The following PXDNL variants were observed in gnomAD, a reference collection of about 807,000 sequenced individuals.
PXDNL encodes the protein probable oxidoreductase PXDNL.
In PXDNL, 145 loss-of-function variants were observed where a neutral mutation model predicts 150.8. The ratio of observed to expected loss-of-function variants is 0.96; its 90% CI spans 0.84 to 1.10. The LOEUF (loss-of-function observed/expected upper bound fraction) is 1.10, where lower values mean the gene tolerates loss of function less well. Among genes scored for constraint, PXDNL ranks in the 50% least tolerant of loss-of-function variants. The pLI is 0.00. For synonymous variants in PXDNL, 757 were observed against 725.7 expected (o/e 1.04, Z -0.69); for missense variants, 2,087 against 1,873.9 (o/e 1.11, Z -2.10).
intron 21 of PXDNL, among the ~76,000 whole-genome samples, chr8:51,338,114 G>A (rs1355843116): frequency 6.7e-6 from 1 of 149,886 alleles, no homozygotes; most frequent in Non-Finnish European, 1.5e-5. Context: ...GGGAGGCAGA[G>A]GTAGGTTGCA....
At chr8:51,335,170 T>C (rs1006874449) in intron 21 of PXDNL, among the ~76,000 whole-genome samples, 3 of 152,226 alleles carry the variant, frequency 2.0e-5, no homozygotes, top group African/African-American at 4.8e-5. Context: ...GTGGCCGACA[T>C]AGTGATCTCC....
chr8:51,393,289 C>A (rs1807969109), intron 17 of PXDNL, among the ~76,000 whole-genome samples: 1 of 152,168 alleles, frequency 6.6e-6, no homozygotes, highest in African/African-American at 2.4e-5. Flanking sequence ...CTGCTAAGTT[C>A]TTGACATACT....
At chr8:51,578,240 T>C (rs1344539345) in intron 3 of PXDNL, among the ~76,000 whole-genome samples, 1 of 151,766 alleles carries the variant, frequency 6.6e-6, no homozygotes, top group Non-Finnish European at 1.5e-5. Flanking sequence ...AAGAATCTAC[T>C]CCCCAAAATA....
intron 17 of PXDNL, among the ~76,000 whole-genome samples, chr8:51,391,814 A>G (rs1807920066): frequency 6.6e-6 from 1 of 152,112 alleles, no homozygotes; most frequent in African/African-American, 2.4e-5. Flanking sequence ...GTCCTTGCCC[A>G]TGCCTATGTC....
chr8:51,511,155 C>T lies in PXDNL; in HGVS notation c.381-11385G>A, dbSNP rs943632816. Among the ~76,000 whole-genome samples, 4 of 152,270 alleles carry T rather than the reference C, an allele frequency of 2.6e-5. No homozygotes were observed. In the South Asian group the frequency reaches 8.3e-4, roughly 32 times the overall value. On this transcript the variant is annotated intron_variant, in intron 4 of 22. Coordinates refer to ENST00000356297, the MANE Select transcript of PXDNL (RefSeq NM_144651.5). Reference sequence around the variant, plus strand: ...AGCACTGGACACATGCAGGCCTGCACTCATCTTCTTATTTGACCCCTCAAT... The same window carrying T: ...AGCACTGGACACATGCAGGCCTGCATTCATCTTCTTATTTGACCCCTCAAT...
rs922641595 is a variant in PXDNL at position 51,420,838 on chromosome 8, G to A, written c.1795+2737C>T. ...CAAGTAGCTGGGACTACAGGTAAGC[G>A]CCACCATGTCTAGTTAATTTTTTGT... On this transcript the variant is annotated intron_variant, in intron 14 of 22. Coordinates refer to ENST00000356297, the MANE Select transcript of PXDNL (RefSeq NM_144651.5). Among the ~76,000 whole-genome samples, 12 of 152,174 alleles carry A rather than the reference G, an allele frequency of 7.9e-5. 1 individual carries two copies. The highest frequency in any genetic ancestry group is 3.4e-3 in the Middle Eastern group (1 of 294).
At chr8:51,330,201 G>A (rs145759492) in intron 21 of PXDNL, among the ~76,000 whole-genome samples, 3 of 152,256 alleles carry the variant, frequency 2.0e-5, no homozygotes, top group Admixed American at 6.5e-5. Context: ...GAAAAATACT[G>A]TTTAACCAGA....
chr8:51,566,507 G>T (rs908481749), intron 3 of PXDNL, among the ~76,000 whole-genome samples: 2 of 151,626 alleles, frequency 1.3e-5, no homozygotes, highest in African/African-American at 4.8e-5. Context: ...TTCTTCTTGT[G>T]TGGTTTGTTA....
intron 2 of PXDNL, among the ~76,000 whole-genome samples, chr8:51,634,877 G>A (rs1005349322): frequency 4.0e-5 from 6 of 151,576 alleles, no homozygotes; most frequent in African/African-American, 1.5e-4. Flanking sequence ...GAGCCTTTTG[G>A]TGGAATCTTT....
At chr8:51,569,864 GT>G (rs1812897153) in intron 3 of PXDNL, among the ~76,000 whole-genome samples, 1 of 151,918 alleles carries the variant, frequency 6.6e-6, no homozygotes, top group Admixed American at 6.6e-5. Context: ...ATCTTCTAAA[GT>G]GCCTTGCTTG....
At chr8:51,347,549 AC>A (rs1453320383) in intron 19 of PXDNL, among the ~76,000 whole-genome samples, 5 of 152,196 alleles carry the variant, frequency 3.3e-5, no homozygotes, top group Admixed American at 3.3e-4. Flanking sequence ...TCAATTAAAA[AC>A]GTCTTTATTT....
chr8:51,706,981 T>C (rs1004921170), intron 1 of PXDNL, among the ~76,000 whole-genome samples: 9 of 152,172 alleles, frequency 5.9e-5, no homozygotes, highest in Non-Finnish European at 1.3e-4. Flanking sequence ...TGAGTTCTGC[T>C]CTCTGTAGCA....
At chr8:51,751,395 T>C (rs1195873584) in intron 1 of PXDNL, among the ~76,000 whole-genome samples, 1 of 152,254 alleles carries the variant, frequency 6.6e-6, no homozygotes, top group East Asian at 1.9e-4. Flanking sequence ...AAAGTATCTT[T>C]TATTTTGTTC....
intron 12 of PXDNL, among the ~76,000 whole-genome samples, chr8:51,446,558 T>C (rs1270135092): frequency 4.6e-5 from 7 of 152,174 alleles, no homozygotes; most frequent in Non-Finnish European, 1.0e-4. Flanking sequence ...ATATATATTA[T>C]GTAGGATAAA....
At chr8:51,670,328 T>C (rs749943986) in intron 1 of PXDNL, among the ~76,000 whole-genome samples, 1 of 152,204 alleles carries the variant, frequency 6.6e-6, no homozygotes, top group Non-Finnish European at 1.5e-5. Flanking sequence ...TGGGGATACG[T>C]TCATAGAAAT....
At chr8:51,745,948 AG>A (rs1353056713) in intron 1 of PXDNL, among the ~76,000 whole-genome samples, 1 of 151,898 alleles carries the variant, frequency 6.6e-6, no homozygotes, top group East Asian at 1.9e-4. Context: ...TAGTAGAGAG[AG>A]GGTTTCACCA....
intron 8 of PXDNL, among the ~76,000 whole-genome samples, chr8:51,466,326 G>C (rs1340634740): frequency 6.6e-6 from 1 of 152,110 alleles, no homozygotes; most frequent in Non-Finnish European, 1.5e-5. Flanking sequence ...AAATGGTGCT[G>C]GGAGAACTGG....
intron 9 of PXDNL, 123 bp from the exon 10 acceptor site, chr8:51,453,908 C>CATATAT (rs143004029): frequency 0.073 from 56,370 of 777,078 alleles, 1,859 homozygotes; most frequent in Middle Eastern, 0.12. Flanking sequence ...AAATATTACA[C>CATATAT]ATATATATAT....
intron 19 of PXDNL, among the ~76,000 whole-genome samples, chr8:51,371,456 G>A (rs116569611): frequency 3.3e-4 from 50 of 152,288 alleles, no homozygotes; most frequent in African/African-American, 1.2e-3. Flanking sequence ...TACTTCCAAT[G>A]AGCACTACTG....
Sources: gnomAD v4.1 joint callset for allele counts (sites outside exome capture counted in the v4.1 genomes callset) on GRCh38, gnomAD v4.1.1 for gene constraint, MANE v1.5 for transcripts, NCBI Gene and HGNC (gene_info 2026-07-23, HGNC 2026-07-21) for gene names.